Variants in ANXA6 observed in about 807,000 individuals in gnomAD.
ANXA6 encodes 67 kDa calelectrin.
In ANXA6, 71 loss-of-function variants were observed where a neutral mutation model predicts 95.4. The ratio of observed to expected loss-of-function variants is 0.74; its 90% confidence interval spans 0.61 to 0.91. The LOEUF (loss-of-function observed/expected upper bound fraction) is 0.91. Ranked by LOEUF, ANXA6 falls within the 40% of genes least tolerant of loss-of-function variation. The probability of loss-of-function intolerance (pLI) is 0.00; values close to 1 mark genes in which losing one functional copy is unlikely to be tolerated. For synonymous variants in ANXA6, 289 were observed against 315.9 expected, an observed-to-expected ratio of 0.91 and a Z score of 0.90; for missense variants, 830 against 876.4, an observed-to-expected ratio of 0.95 and a Z score of 0.67.
intron 21 of ANXA6, 24 bp from the exon 22 acceptor site, chr5:151,109,870 G>C (rs533419323): frequency 1.4e-5 from 21 of 1,511,562 alleles, no homozygotes; most frequent in Admixed American, 3.6e-5. Context: ...GTTGGAGCAA[G>C]GATTTGGGAG....
chr5:151,115,734 C>A (rs1581985545), intron 20 of ANXA6, among the ~76,000 whole-genome samples: 1 of 152,228 alleles, frequency 6.6e-6, no homozygotes, highest in Non-Finnish European at 1.5e-5. Flanking sequence ...GCCTAACCCC[C>A]ATCCATGTGC....
At chr5:151,115,560 G>T (rs1266356692) in intron 20 of ANXA6, among the ~76,000 whole-genome samples, 2 of 152,224 alleles carry the variant, frequency 1.3e-5, no homozygotes, top group East Asian at 1.9e-4. Context: ...TTCCCTGGAA[G>T]ATCAATTCAG....
rs1002702506 is a variant in ANXA6 at position 151,133,200 on chromosome 5, A to T, written c.547-13T>A. 2 of 1,557,842 alleles carry T rather than the reference A, an allele frequency of 1.3e-6. No homozygotes were observed. Among genetic ancestry groups the T allele is most frequent in the African/African-American group, 2.7e-5 (2 of 73,538 alleles). On this transcript the variant is annotated splice_polypyrimidine_tract_variant and intron_variant, in intron 8 of 25. Transcript: ENST00000354546. ...CCTCGTATAGGTCCTGAAGGGGAAG[A>T]GGTGGCACTTGACTGAAAGAGGAAA...
chr5:151,139,470 T>C, intron 3 of ANXA6, 23 bp from the exon 4 acceptor site: 21 of 1,579,650 alleles, frequency 1.3e-5, no homozygotes, highest in Non-Finnish European at 1.8e-5. Context: ...AGAGCAATCA[T>C]CATCCTACCC....
intron 7 of ANXA6, among the ~76,000 whole-genome samples, chr5:151,135,312 G>GGATAGGA (rs1462946935): frequency 6.6e-6 from 1 of 152,116 alleles, no homozygotes; most frequent in Non-Finnish European, 1.5e-5. Context: ...CAAGATACAG[G>GGATAGGA]GATAGGACAC....
At chr5:151,135,822 CA>C (rs1765642093) in intron 7 of ANXA6, among the ~76,000 whole-genome samples, 1 of 152,128 alleles carries the variant, frequency 6.6e-6, no homozygotes, top group Non-Finnish European at 1.5e-5. Flanking sequence ...TATGGGAAAA[CA>C]AACAAAAAAT....
intron 20 of ANXA6, among the ~76,000 whole-genome samples, chr5:151,115,542 CAGA>C (rs1196970570): frequency 2.6e-5 from 4 of 152,144 alleles, no homozygotes; most frequent in African/African-American, 7.2e-5. Flanking sequence ...AGGCACCAGG[CAGA>C]AGCATTCCCT....
Position 151,101,314 on chromosome 5 carries a change from A to T in ANXA6, c.*134T>A. ...GAGCGTTTCCTAAGCTCCACTGAAG[A>T]TAAGAGCCCAACCCAACCCCTCCCC... On this transcript the variant is annotated 3_prime_UTR_variant, in exon 26 of 26. Coordinates refer to ENST00000354546, the MANE Select transcript of ANXA6 (RefSeq NM_001155.5). The T allele has an allele frequency of 2.7e-6, 2 of 727,538 alleles. No individual in the cohort carries two copies. Among genetic ancestry groups the T allele is most frequent in the Non-Finnish European group, 4.8e-6 (2 of 420,042 alleles). 45.1% of individuals were successfully genotyped at this position (727,538 alleles called of 1,614,324 possible).
At position 151,137,240 on chromosome 5, in the gene ANXA6, A is replaced by G. The variant is rs771655897; in HGVS notation, c.400T>C (p.Tyr134His). 1.2e-6 allele frequency: 2 copies of G among 1,613,520 alleles called. No homozygotes were observed. The highest frequency in any genetic ancestry group is 1.7e-6 in the Non-Finnish European group (2 of 1,179,666). The change falls in exon 6 of 26, where the codon TAC becomes CAC. Residue 134 changes from tyrosine to histidine, a missense_variant. Tyr to His is a moderately conservative substitution (Grantham distance 83). Transcript: ENST00000354546. ...NEQMHQLVAA[Y>H]KDAYERDLEA... is the part of the protein sequence containing the mutation. The stretch of plus-strand genomic sequence containing the variant: ...CTCCTGCCCATCTCACCATCTTTGT[A>G]TGCTGCCACCAGCTGGTGCATCTGC...
At chr5:151,147,207 G>A (rs538209977) in intron 2 of ANXA6, among the ~76,000 whole-genome samples, 158 of 152,308 alleles carry the variant, frequency 1.0e-3, no homozygotes, top group Admixed American at 2.1e-3. Context: ...GAGAGACTGA[G>A]GTTAGAGTCT....
In ANXA6 at chr5:151,117,198, A is replaced by T; in HGVS notation, c.1519-18T>A. The T allele has an allele frequency of 6.3e-7, 1 of 1,583,626 alleles. No homozygotes were observed. Among genetic ancestry groups the T allele is most frequent in the South Asian group, 1.1e-5 (1 of 87,672 alleles). ...CGATGCCCCTGCAGCAGGAGCAGCA[A>T]GAAAGTTCAGTCCCCAAACATCGAC... On this transcript the variant is annotated intron_variant, in intron 19 of 25. Transcript: ENST00000354546.
At chr5:151,139,061 C>T (rs560046217) in intron 4 of ANXA6, 17 of 592,176 alleles carry the variant, frequency 2.9e-5, no homozygotes, top group South Asian at 2.4e-4. Flanking sequence ...TCTGTTTCCT[C>T]GTTTACTGTG....
At chr5:151,124,997 GTTACA>G in intron 14 of ANXA6, among the ~76,000 whole-genome samples, 1 of 152,196 alleles carries the variant, frequency 6.6e-6, no homozygotes, top group African/African-American at 2.4e-5. Context: ...GTTTTATCCT[GTTACA>G]TATCCCAGGT....
intron 14 of ANXA6, 47 bp from the exon 15 acceptor site, chr5:151,124,414 G>A: frequency 6.4e-7 from 1 of 1,557,084 alleles, no homozygotes; most frequent in Non-Finnish European, 8.7e-7. Flanking sequence ...AGGCCCCCCT[G>A]GGGACCAGGC....
chr5:151,101,142 C>A lies in ANXA6; in HGVS notation c.*306G>T, dbSNP rs973446365. The A allele has an allele frequency of 5.4e-6, 3 of 558,718 alleles. No homozygotes were observed. Among genetic ancestry groups the A allele is most frequent in the Non-Finnish European group, 6.6e-6 (2 of 301,104 alleles). 34.6% of individuals were successfully genotyped at this position (558,718 alleles called of 1,614,324 possible). On this transcript the variant is annotated 3_prime_UTR_variant, in exon 26 of 26. Coordinates refer to ENST00000354546, the MANE Select transcript of ANXA6 (RefSeq NM_001155.5). ...AGGTTCAGGATGTTTTTGGATCTGA[C>A]ATAGCCCAAACCAGGGCAGAGGCTG...
At chr5:151,123,430 A>G (rs1402944325) in intron 15 of ANXA6, among the ~76,000 whole-genome samples, 1 of 152,090 alleles carries the variant, frequency 6.6e-6, no homozygotes, top group African/African-American at 2.4e-5. Flanking sequence ...TAGCAACTCT[A>G]TGTCCTTTCT....
intron 17 of ANXA6, among the ~76,000 whole-genome samples, chr5:151,121,630 C>T (rs1346365495): frequency 1.3e-5 from 2 of 152,160 alleles, no homozygotes; most frequent in African/African-American, 4.8e-5. Context: ...CCCAGTCACA[C>T]TGTGAGTGAG....
In ANXA6 at chr5:151,101,330, A is replaced by ACAC; in HGVS notation, c.*117_*118insGTG. The ACAC allele has an allele frequency of 2.6e-6, 1 of 385,870 alleles. No individual in the cohort carries two copies. 23.9% of individuals were successfully genotyped at this position (385,870 alleles called of 1,614,324 possible). ...CCACTGAAGATAAGAGCCCAACCCA[A>ACAC]CCCCTCCCCCCACCCCTGCCCCTTC... On this transcript the variant is annotated 3_prime_UTR_variant, in exon 26 of 26. Coordinates refer to ENST00000354546, the MANE Select transcript of ANXA6 (RefSeq NM_001155.5).
In ANXA6 at chr5:151,121,542, G is replaced by C. The variant is rs144279907; in HGVS notation, c.1347+605C>G. Reference sequence around the variant, plus strand: ...TCATACCTGTGACCTTGATTGACCTGTCCTAGTTTGAAGGGCAGAGGTGAC... The same window carrying C: ...TCATACCTGTGACCTTGATTGACCTCTCCTAGTTTGAAGGGCAGAGGTGAC... On this transcript the variant is annotated intron_variant, in intron 17 of 25. Coordinates refer to ENST00000354546, the MANE Select transcript of ANXA6 (RefSeq NM_001155.5). 1.8e-3 allele frequency among the ~76,000 whole-genome samples: 280 copies of C among 152,306 alleles called. 1 individual carries two copies. Among genetic ancestry groups the C allele is most frequent in the Middle Eastern group, 0.01 (3 of 294 alleles).
Sources: gnomAD v4.1 joint callset for allele counts (sites outside exome capture counted in the v4.1 genomes callset) on GRCh38, gnomAD v4.1.1 for gene constraint, MANE v1.5 for transcripts, NCBI Gene and HGNC (gene_info 2026-07-23, HGNC 2026-07-21) for gene names.